The following CCDC68 variants were observed in gnomAD, a reference collection of about 807,000 sequenced individuals.
CCDC68 encodes coiled-coil domain containing 68, also known as coiled-coil domain-containing protein 68.
Under a neutral mutation model 47.1 loss-of-function variants are expected in CCDC68, and 45 were observed. The ratio of observed to expected loss-of-function variants is 0.96; its 90% confidence interval spans 0.75 to 1.23. The LOEUF is 1.23. Among genes scored for constraint, CCDC68 ranks in the 50% most tolerant of loss-of-function variants. The pLI is 0.00. For synonymous variants in CCDC68, 131 were observed against 129.5 expected (o/e 1.01, Z -0.08); for missense variants, 353 against 373.6 (o/e 0.94, Z 0.45).
Position 54,917,916 on chromosome 18 carries a change from G to T in CCDC68, c.870C>A (p.Ala290=). ...GTAAGACAGGTTCCCTCCTTACCTG[G>T]GCTTCAAGTATGTTAACCTTTTCTC... ...NLREKVNILE[A]QNKELKTQVA... Residue 290 remains alanine, a synonymous_variant, in exon 10 of 12, where the codon GCC becomes GCA. Coordinates refer to ENST00000591504, the MANE Select transcript of CCDC68 (RefSeq NM_025214.3). The T allele has an allele frequency of 6.4e-7, 1 of 1,568,822 alleles. No individual in the cohort carries two copies. The highest frequency in any genetic ancestry group is 8.8e-7 in the Non-Finnish European group (1 of 1,141,692).
chr18:54,905,410 G>GAAGGAAGGAAGGAAGGAAGGAAGGAAGA (rs1913940755), intron 11 of CCDC68, among the ~76,000 whole-genome samples: 1 of 4,372 alleles, frequency 2.3e-4, no homozygotes, highest in Non-Finnish European at 7.5e-4. Flanking sequence ...AGGAAGGGAA[G>GAAGGAAGGAAGGAAGGAAGGAAGGAAGA]AAGGAAGGAA....
chr18:54,955,468 T>G (rs2044696263), intron 1 of CCDC68, among the ~76,000 whole-genome samples: 1 of 152,180 alleles, frequency 6.6e-6, no homozygotes, highest in Non-Finnish European at 1.5e-5. Flanking sequence ...ACTGGCTAGA[T>G]TTTTATAAAA....
intron 1 of CCDC68, among the ~76,000 whole-genome samples, chr18:54,948,385 A>T (rs1011770299): frequency 1.4e-4 from 21 of 152,156 alleles, no homozygotes; most frequent in Non-Finnish European, 2.8e-4. Flanking sequence ...GAAGCAGGGG[A>T]GAGGCATGAA....
At chr18:54,918,064 A>T in intron 9 of CCDC68, 68 bp from the exon 10 acceptor site, 1 of 673,188 alleles carries the variant, frequency 1.5e-6, no homozygotes, top group South Asian at 1.8e-5. Flanking sequence ...TAAGTCAGAA[A>T]TTGTATGGAT....
chr18:54,948,158 C>T (rs1232179491), intron 1 of CCDC68, among the ~76,000 whole-genome samples: 2 of 152,106 alleles, frequency 1.3e-5, no homozygotes, highest in Non-Finnish European at 2.9e-5. Context: ...AGAATGGGAC[C>T]TTATTTAAAA....
chr18:54,934,039 A>C (rs1287612472), intron 7 of CCDC68, among the ~76,000 whole-genome samples: 1 of 152,236 alleles, frequency 6.6e-6, no homozygotes, highest in Non-Finnish European at 1.5e-5. Context: ...AATACAATAA[A>C]TATAAAAAAT....
Position 54,940,643 on chromosome 18 carries a change from C to T in CCDC68, c.204+354G>A, listed in dbSNP as rs544534296. Among the ~76,000 whole-genome samples, 4 of 152,342 alleles carry T rather than the reference C, an allele frequency of 2.6e-5. No individual in the cohort carries two copies. The South Asian group carries it at 8.3e-4, about 32-fold the overall frequency. On this transcript the variant is annotated intron_variant, in intron 4 of 11. Transcript: ENST00000591504. ...TATCTAACAAAGTCTTGACTCAACTCAGGCCTAAAAGCTTCAACTGTATGT... is the reference window on the plus strand; with the variant it reads ...TATCTAACAAAGTCTTGACTCAACTTAGGCCTAAAAGCTTCAACTGTATGT...
chr18:54,904,074 C>A lies in CCDC68; in HGVS notation c.*284G>T. ...CCCAGTAGAAAAAAAAATCTGAAAACAAGATTCAGATTTTTTTTTTTTTTT... is the reference window on the plus strand; with the variant it reads ...CCCAGTAGAAAAAAAAATCTGAAAAAAAGATTCAGATTTTTTTTTTTTTTT... On this transcript the variant is annotated 3_prime_UTR_variant, in exon 12 of 12. Coordinates refer to ENST00000591504, the MANE Select transcript of CCDC68 (RefSeq NM_025214.3). 1.7e-5 allele frequency: 4 copies of A among 241,944 alleles called. No individual in the cohort carries two copies. Among genetic ancestry groups the A allele is most frequent in the East Asian group, 7.9e-5 (1 of 12,720 alleles). 15.0% of individuals were successfully genotyped at this position (241,944 alleles called of 1,614,324 possible). A position where few individuals can be genotyped will look rare whatever the true frequency, so the allele number is the denominator to read the frequency against.
At chr18:54,957,213 A>C (rs2044726630) in intron 1 of CCDC68, among the ~76,000 whole-genome samples, 1 of 152,230 alleles carries the variant, frequency 6.6e-6, no homozygotes, top group Admixed American at 6.5e-5. Flanking sequence ...CATGATTCCT[A>C]AGTTCTTCCC....
In CCDC68 at chr18:54,931,789, T is replaced by G. The variant is rs921221161; in HGVS notation, c.601-2907A>C. On this transcript the variant is annotated intron_variant, in intron 7 of 11. Transcript: ENST00000591504. ...ATGGAATTCATTCTCACTGCATTCCTGATTAAAGTGGGACAGACGGTGAAG... is the reference window on the plus strand; with the variant it reads ...ATGGAATTCATTCTCACTGCATTCCGGATTAAAGTGGGACAGACGGTGAAG... Among the ~76,000 whole-genome samples, 3 of 152,200 alleles carry G rather than the reference T, an allele frequency of 2.0e-5. No homozygotes were observed. In the South Asian group the frequency reaches 6.2e-4, roughly 32 times the overall value.
chr18:54,934,199 T>C (rs193227729), intron 7 of CCDC68, among the ~76,000 whole-genome samples: 159 of 152,364 alleles, frequency 1.0e-3, no homozygotes, highest in African/African-American at 3.6e-3. Flanking sequence ...CATACACAAA[T>C]TTATGTGTTC....
At chr18:54,955,762 G>T (rs576392177) in intron 1 of CCDC68, among the ~76,000 whole-genome samples, 1 of 152,292 alleles carries the variant, frequency 6.6e-6, no homozygotes, top group South Asian at 2.1e-4. Flanking sequence ...CTGTTGCCCA[G>T]GCTGGAGTGC....
chr18:54,953,170 G>A (rs2145653615), intron 1 of CCDC68, among the ~76,000 whole-genome samples: 1 of 152,312 alleles, frequency 6.6e-6, no homozygotes, highest in Middle Eastern at 3.4e-3. Flanking sequence ...AAAAGGGATA[G>A]TGGTTACTTG....
rs151275373 is a variant in CCDC68 at position 54,922,898 on chromosome 18, G to T, written c.684-3522C>A. Among the ~76,000 whole-genome samples the T allele has an allele frequency of 7.1e-3, 1,006 of 142,054 alleles. 5 individuals are homozygous for T. Among genetic ancestry groups the T allele is most frequent in the Non-Finnish European group, 0.011 (736 of 66,832 alleles). 93.2% of individuals were successfully genotyped at this position (142,054 alleles called of 152,430 possible). A position where few individuals can be genotyped will look rare whatever the true frequency, so the allele number is the denominator to read the frequency against. ...AGCTACTTGGGAGACTGAGGTACAA[G>T]AATCGCTTGAACCCAGGAGGTGGAG... On this transcript the variant is annotated intron_variant, in intron 8 of 11. Transcript: ENST00000591504.
chr18:54,938,752 G>A (rs2044390878), intron 4 of CCDC68, among the ~76,000 whole-genome samples: 1 of 152,236 alleles, frequency 6.6e-6, no homozygotes, highest in East Asian at 1.9e-4. Flanking sequence ...GCAAGTGAGC[G>A]GGAGACCTCA....
chr18:54,920,811 A>G (rs867829443), intron 8 of CCDC68, among the ~76,000 whole-genome samples: 35 of 152,330 alleles, frequency 2.3e-4, no homozygotes, highest in Middle Eastern at 3.4e-3. Flanking sequence ...GTAAAAATAG[A>G]ACTACCATTC....
At chr18:54,949,197 T>C (rs2044574392) in intron 1 of CCDC68, among the ~76,000 whole-genome samples, 1 of 152,198 alleles carries the variant, frequency 6.6e-6, no homozygotes. Context: ...GGTTTCGCCA[T>C]GTTGGCCAGG....
chr18:54,938,742 G>A (rs987927690), intron 4 of CCDC68, among the ~76,000 whole-genome samples: 1 of 152,250 alleles, frequency 6.6e-6, no homozygotes, highest in Non-Finnish European at 1.5e-5. Context: ...AGTTTATGCA[G>A]CAAGTGAGCG....
At chr18:54,931,132 A>C in intron 7 of CCDC68, among the ~76,000 whole-genome samples, 1 of 152,180 alleles carries the variant, frequency 6.6e-6, no homozygotes, top group East Asian at 1.9e-4. Flanking sequence ...CAAATGTTAA[A>C]TAGACTTACT....
Sources: gnomAD v4.1 joint callset for allele counts (sites outside exome capture counted in the v4.1 genomes callset) on GRCh38, gnomAD v4.1.1 for gene constraint, MANE v1.5 for transcripts, NCBI Gene and HGNC (gene_info 2026-07-23, HGNC 2026-07-21) for gene names.